TTC23: variants seen among roughly 807,000 people sequenced by gnomAD.
The protein encoded by TTC23 is tetratricopeptide repeat protein 23.
Under a neutral mutation model 55.1 loss-of-function variants are expected in TTC23, and 58 were observed. The observed-to-expected ratio is 1.05, with a 90% CI of 0.85 to 1.31. The LOEUF is 1.31. Among genes scored for constraint, TTC23 ranks in the 50% most tolerant of loss-of-function variants. The probability of loss-of-function intolerance (pLI) is 0.00; values close to 1 mark genes in which losing one functional copy is unlikely to be tolerated. For synonymous variants in TTC23, 203 were observed against 199.9 expected (o/e 1.02, Z -0.13); for missense variants, 516 against 534.4 (o/e 0.97, Z 0.34).
chr15:99,228,110 G>C (rs1172458924), intron 5 of TTC23, among the ~76,000 whole-genome samples: 1 of 152,210 alleles, frequency 6.6e-6, no homozygotes, highest in Admixed American at 6.5e-5. Flanking sequence ...ATGATGACTG[G>C]ATGAAGAGGA....
upstream of TTC23, chr15:99,251,197 C>T (rs1218016637): frequency 6.6e-6 from 1 of 152,450 alleles, no homozygotes; most frequent in Non-Finnish European, 1.5e-5. Flanking sequence ...CGACATCAAA[C>T]CCCACGCCGG....
chr15:99,156,289 G>C lies in TTC23; in HGVS notation c.1002C>G (p.Thr334=). The C allele has an allele frequency of 6.2e-7, 1 of 1,614,176 alleles. No homozygotes were observed. The highest frequency in any genetic ancestry group is 8.5e-7 in the Non-Finnish European group (1 of 1,180,006). The change falls in exon 12 of 14, where the codon ACC becomes ACG. Residue 334 remains threonine, a synonymous_variant. Transcript: ENST00000394132. ...LQMTGQKERA[T]SILRESLEAK... ...CTTCCAGGGACTCTCTCAGGATCGA[G>C]GTTGCTCTCTGTGAAAGGAACAAAA...
At position 99,137,944 on chromosome 15, in the gene TTC23, G is replaced by A. The variant is rs2067719220; in HGVS notation, c.*66C>T. ...GTTGAATTCCATTTTCTAGGCGGAG[G>A]TGATTTGTACAGCACCCTAAATGAC... On this transcript the variant is annotated 3_prime_UTR_variant, in exon 14 of 14. Transcript: ENST00000394132. 3 of 1,586,078 alleles carry A rather than the reference G, an allele frequency of 1.9e-6. No homozygotes were observed. Among genetic ancestry groups the A allele is most frequent in the Non-Finnish European group, 2.6e-6 (3 of 1,160,312 alleles).
intron 7 of TTC23, 73 bp from the exon 8 acceptor site, chr15:99,218,786 C>T: frequency 6.2e-7 from 1 of 1,604,564 alleles, no homozygotes; most frequent in East Asian, 2.2e-5. Flanking sequence ...CCTTGGCTCC[C>T]ATACTTCCAA....
chr15:99,139,205 T>C (rs1555488715), intron 13 of TTC23, 112 bp downstream of exon 13: 5 of 1,375,676 alleles, frequency 3.6e-6, no homozygotes, highest in Non-Finnish European at 5.0e-6. Context: ...TTATGGGAAG[T>C]CAGCAAAACA....
intron 12 of TTC23, chr15:99,155,862 A>G (rs2070470734): frequency 4.2e-6 from 2 of 476,610 alleles, no homozygotes; most frequent in African/African-American, 3.8e-5. Context: ...CAGTATAGAG[A>G]GAGCACCGCA....
At position 99,152,489 on chromosome 15, in the gene TTC23, G is replaced by T. The variant is rs558553633; in HGVS notation, c.1143+3659C>A. Among the ~76,000 whole-genome samples the T allele has an allele frequency of 2.3e-4, 35 of 151,186 alleles. No homozygotes were observed. In the East Asian group the frequency reaches 5.6e-3, roughly 24 times the overall value. ...CCTCCCGAGTTCAAGCGACTCTCCTGCCTCAGCCTCCCCACATAGCTGAGA... is the reference window on the plus strand; with the variant it reads ...CCTCCCGAGTTCAAGCGACTCTCCTTCCTCAGCCTCCCCACATAGCTGAGA... On this transcript the variant is annotated intron_variant, in intron 12 of 13. Transcript: ENST00000394132.
intron 4 of TTC23, among the ~76,000 whole-genome samples, chr15:99,232,475 T>C (rs1341671290): frequency 6.9e-6 from 1 of 144,542 alleles, no homozygotes; most frequent in African/African-American, 2.6e-5. Context: ...TGAGACTCCA[T>C]CTCAAAAAAA....
intron 9 of TTC23, among the ~76,000 whole-genome samples, chr15:99,177,946 G>A (rs537667889): frequency 1.3e-5 from 2 of 152,268 alleles, no homozygotes; most frequent in Non-Finnish European, 1.5e-5. Flanking sequence ...TTGGGAGGCC[G>A]AGGCAGGAGG....
chr15:99,237,123 A>C (rs895688642), intron 3 of TTC23, among the ~76,000 whole-genome samples: 8 of 151,948 alleles, frequency 5.3e-5, no homozygotes, highest in Admixed American at 6.6e-5. Flanking sequence ...CTGGGATTAC[A>C]GGCGCCCGCC....
At chr15:99,155,936 A>G (rs1444319441) in intron 12 of TTC23, 2 of 592,348 alleles carry the variant, frequency 3.4e-6, no homozygotes, top group Admixed American at 3.1e-5. Flanking sequence ...GTAAAAACTG[A>G]TAATTCATTT....
chr15:99,161,458 C>A (rs2071368701), intron 11 of TTC23, among the ~76,000 whole-genome samples: 2 of 152,220 alleles, frequency 1.3e-5, no homozygotes, highest in Admixed American at 6.5e-5. Flanking sequence ...CTATTCCAGC[C>A]AGATCTGCAG....
chr15:99,139,486 G>A, intron 12 of TTC23, 87 bp from the exon 13 acceptor site: 1 of 1,586,318 alleles, frequency 6.3e-7, no homozygotes, highest in Non-Finnish European at 8.6e-7. Context: ...AGAGAAAGAT[G>A]ACCTCATTCT....
chr15:99,224,346 T>C (rs1323425802), intron 5 of TTC23, among the ~76,000 whole-genome samples: 4 of 152,270 alleles, frequency 2.6e-5, no homozygotes, highest in Non-Finnish European at 5.9e-5. Flanking sequence ...CTTTATTCTT[T>C]ATTTTTGTGA....
At chr15:99,171,139 C>T (rs1389666556) in intron 10 of TTC23, among the ~76,000 whole-genome samples, 1 of 152,254 alleles carries the variant, frequency 6.6e-6, no homozygotes, top group Non-Finnish European at 1.5e-5. Context: ...CCAGCCACTG[C>T]TTCTCTGCTC....
chr15:99,229,556 G>A (rs1257197277), intron 4 of TTC23, among the ~76,000 whole-genome samples: 1 of 152,202 alleles, frequency 6.6e-6, no homozygotes, highest in African/African-American at 2.4e-5. Flanking sequence ...GGGAGACCAA[G>A]GTGACTAGAA....
chr15:99,218,956 A>T lies in TTC23; in HGVS notation c.397T>A (p.Phe133Ile). ...VPPYSENTDV[F>I]KFSIELFHTM... ...TGGAAAAGCTCAATGGAAAACTTGA[A>T]AACATCTGTATTCTCACTATAGGGA... Residue 133 changes from phenylalanine (F) to isoleucine (I), a missense_variant, in exon 7 of 14, where the codon TTC becomes ATC. Phe to Ile is a conservative substitution (Grantham distance 21). Transcript: ENST00000394132. The T allele has an allele frequency of 6.2e-7, 1 of 1,614,204 alleles. No individual in the cohort carries two copies. The highest frequency in any genetic ancestry group is 1.1e-5 in the South Asian group (1 of 91,084).
intron 8 of TTC23, among the ~76,000 whole-genome samples, chr15:99,213,213 A>G (rs1253945289): frequency 3.3e-5 from 5 of 152,262 alleles, no homozygotes; most frequent in Non-Finnish European, 7.3e-5. Flanking sequence ...AATGAAAATT[A>G]TACAGTTTAA....
Position 99,136,557 on chromosome 15 carries a change from T to A in TTC23, c.*1453A>T, listed in dbSNP as rs1371547155. 1.3e-5 allele frequency: 2 copies of A among 152,154 alleles called. No individual in the cohort carries two copies. Among genetic ancestry groups the A allele is most frequent in the Non-Finnish European group, 2.9e-5 (2 of 68,042 alleles). The allele number at this position is 152,154 out of a possible 1,614,324, so 9.4% of individuals were successfully genotyped here. The stretch of plus-strand genomic sequence containing the variant: ...TCACATGGTGGAGAGAGAGATCATC[T>A]CTCTGGTGTCTCTCCTTATAAAGCA... On this transcript the variant is annotated 3_prime_UTR_variant, in exon 14 of 14. Coordinates refer to ENST00000394132, the MANE Select transcript of TTC23 (RefSeq NM_001288615.3).
Sources: gnomAD v4.1 joint callset for allele counts (sites outside exome capture counted in the v4.1 genomes callset) on GRCh38, gnomAD v4.1.1 for gene constraint, MANE v1.5 for transcripts, NCBI Gene and HGNC (gene_info 2026-07-23, HGNC 2026-07-21) for gene names.